Variants in BNC2 observed in about 807,000 individuals in gnomAD.
BNC2 encodes basonuclin zinc finger protein 2.
Under a neutral mutation model 76.3 loss-of-function variants are expected in BNC2, and 20 were observed. The observed-to-expected ratio is 0.26, with a 90% CI of 0.18 to 0.38. BNC2 has a LOEUF of 0.38. Among genes scored for constraint, BNC2 ranks in the 10% least tolerant of loss-of-function variants. The pLI, the probability that BNC2 is intolerant of heterozygous loss-of-function variation, is 1.00. For synonymous variants in BNC2, 582 were observed against 514.8 expected, an observed-to-expected ratio of 1.13 and a Z score of -1.77; for missense variants, 1,382 against 1,399.8, an observed-to-expected ratio of 0.99 and a Z score of 0.20.
At chr9:16,578,159 C>T (rs182145292) in intron 4 of BNC2, among the ~76,000 whole-genome samples, 4 of 152,154 alleles carry the variant, frequency 2.6e-5, no homozygotes, top group Admixed American at 1.3e-4. Flanking sequence ...GTAAAATCTG[C>T]CCACCTCTTT....
At chr9:16,569,045 T>C (rs1349057022) in intron 4 of BNC2, among the ~76,000 whole-genome samples, 1 of 150,904 alleles carries the variant, frequency 6.6e-6, no homozygotes, top group Non-Finnish European at 1.5e-5. Flanking sequence ...ACGAATGGTA[T>C]TTAGCTAAAA....
chr9:16,776,702 A>C (rs1156336991), intron 1 of BNC2, among the ~76,000 whole-genome samples: 1 of 152,248 alleles, frequency 6.6e-6, no homozygotes, highest in Admixed American at 6.5e-5. Flanking sequence ...GAATAATTTA[A>C]AAAATTAAAC....
intron 5 of BNC2, among the ~76,000 whole-genome samples, chr9:16,452,899 T>A (rs2131091173): frequency 6.6e-6 from 1 of 152,316 alleles, no homozygotes; most frequent in South Asian, 2.1e-4. Flanking sequence ...TAAGGATGTC[T>A]TTAGGGATCT....
rs540195084 is a variant in BNC2, at chr9:16,800,191, C to T, written c.4-61706G>A. Reference sequence around the variant, plus strand: ...AGTGAGCCGAGATTGCACCACTGCACGCCAGCCTGGGTGACAAAGCAAGAC... The same window carrying T: ...AGTGAGCCGAGATTGCACCACTGCATGCCAGCCTGGGTGACAAAGCAAGAC... On this transcript the variant is annotated intron_variant, in intron 1 of 6. Coordinates refer to ENST00000380672, the MANE Select transcript of BNC2 (RefSeq NM_017637.6). 1.7e-4 allele frequency among the ~76,000 whole-genome samples: 25 copies of T among 150,028 alleles called. No homozygotes were observed. The South Asian group carries it at 5.1e-3, about 30-fold the overall frequency.
intron 1 of BNC2, among the ~76,000 whole-genome samples, chr9:16,837,225 G>C (rs1455331256): frequency 6.6e-6 from 1 of 152,136 alleles, no homozygotes; most frequent in Non-Finnish European, 1.5e-5. Context: ...CATAATTCTG[G>C]CCAGGCTTGG....
chr9:16,731,284 C>G (rs1197180720), intron 2 of BNC2, among the ~76,000 whole-genome samples: 3 of 152,132 alleles, frequency 2.0e-5, no homozygotes, highest in African/African-American at 4.8e-5. Flanking sequence ...GCTGCTGATT[C>G]TGAGTATTTC....
chr9:16,739,032 G>GAA (rs552050451), intron 1 of BNC2, among the ~76,000 whole-genome samples: 1 of 138,070 alleles, frequency 7.2e-6, no homozygotes, highest in Non-Finnish European at 1.6e-5. Flanking sequence ...GTATGGTTTA[G>GAA]AAAAAAAAAA....
intron 5 of BNC2, among the ~76,000 whole-genome samples, chr9:16,515,346 T>G (rs919487312): frequency 6.6e-6 from 1 of 152,130 alleles, no homozygotes; most frequent in Non-Finnish European, 1.5e-5. Flanking sequence ...GCTCCAGTCA[T>G]CCCCTTGGCT....
intron 1 of BNC2, among the ~76,000 whole-genome samples, chr9:16,785,253 T>C (rs569898753): frequency 6.6e-6 from 1 of 152,310 alleles, no homozygotes; most frequent in East Asian, 1.9e-4. Context: ...GGCAGGTTTG[T>C]GCGAGGGCCT....
intron 5 of BNC2, among the ~76,000 whole-genome samples, chr9:16,494,593 A>C (rs1822346894): frequency 6.6e-6 from 1 of 152,198 alleles, no homozygotes; most frequent in African/African-American, 2.4e-5. Context: ...TGAGATGTGA[A>C]GGCAAAATTT....
intron 1 of BNC2, among the ~76,000 whole-genome samples, chr9:16,819,320 G>A (rs1818257661): frequency 6.6e-6 from 1 of 152,232 alleles, no homozygotes; most frequent in African/African-American, 2.4e-5. Context: ...CATAGCAGCA[G>A]AAATGATGCC....
intron 3 of BNC2, among the ~76,000 whole-genome samples, chr9:16,616,781 G>GGAAGGAAGGA (rs1820711071): frequency 7.6e-5 from 4 of 52,774 alleles, no homozygotes; most frequent in African/African-American, 1.3e-4. Flanking sequence ...GAGGGGAGGG[G>GGAAGGAAGGA]AGGAAGGAGG....
intron 5 of BNC2, among the ~76,000 whole-genome samples, chr9:16,481,485 A>G (rs1272685187): frequency 1.3e-5 from 2 of 152,172 alleles, no homozygotes; most frequent in East Asian, 3.9e-4. Context: ...ACTAGAAGGA[A>G]GAAACTCCAA....
intron 3 of BNC2, among the ~76,000 whole-genome samples, chr9:16,707,495 G>C (rs904208390): frequency 6.6e-6 from 1 of 152,154 alleles, no homozygotes; most frequent in African/African-American, 2.4e-5. Flanking sequence ...CCTATGAAAA[G>C]AGGTCTGTGA....
intron 5 of BNC2, among the ~76,000 whole-genome samples, chr9:16,487,188 C>T (rs1822182519): frequency 6.6e-6 from 1 of 152,162 alleles, no homozygotes; most frequent in South Asian, 2.1e-4. Context: ...ACTAGAAGCA[C>T]AGTCTTGAGG....
At chr9:16,564,493 C>G (rs1819113413) in intron 4 of BNC2, among the ~76,000 whole-genome samples, 1 of 152,078 alleles carries the variant, frequency 6.6e-6, no homozygotes, top group Non-Finnish European at 1.5e-5. Context: ...ATCAGGTTTC[C>G]AGACAAACTG....
intron 5 of BNC2, among the ~76,000 whole-genome samples, chr9:16,552,256 G>T (rs1258935733): frequency 1.3e-5 from 2 of 152,132 alleles, no homozygotes; most frequent in Non-Finnish European, 2.9e-5. Flanking sequence ...GAAGAAGCCA[G>T]AAAGCCCATG....
At chr9:16,652,139 ATC>A (rs1470697421) in intron 3 of BNC2, among the ~76,000 whole-genome samples, 5 of 152,200 alleles carry the variant, frequency 3.3e-5, no homozygotes, top group Non-Finnish European at 7.3e-5. Flanking sequence ...CAAAATGTAA[ATC>A]TGTTTTGGAT....
intron 5 of BNC2, among the ~76,000 whole-genome samples, chr9:16,509,748 T>C (rs1280260577): frequency 6.6e-6 from 1 of 152,162 alleles, no homozygotes; most frequent in African/African-American, 2.4e-5. Context: ...GAAAGCAGTA[T>C]TACTTGCTAT....
Sources: allele counts gnomAD v4.1 joint callset (sites outside exome capture counted in the v4.1 genomes callset), GRCh38; gene constraint gnomAD v4.1.1; transcripts MANE v1.5; gene names NCBI Gene and HGNC (gene_info 2026-07-23, HGNC 2026-07-21).